SLC11A1: variants seen among roughly 807,000 people sequenced by gnomAD.
SLC11A1 encodes the protein solute carrier family 11 member 1.
A neutral mutation model predicts 63.2 loss-of-function variants in SLC11A1; 59 were observed. That is an observed-to-expected ratio of 0.93 (90% CI 0.76 to 1.16). SLC11A1 has a LOEUF of 1.16. Among genes scored for constraint, SLC11A1 ranks in the 50% most tolerant of loss-of-function variants. SLC11A1 has a pLI of 0.00. For synonymous variants in SLC11A1, 305 were observed against 307.8 expected, an observed-to-expected ratio of 0.99 and a Z score of 0.09; for missense variants, 688 against 730.7, an observed-to-expected ratio of 0.94 and a Z score of 0.67.
chr2:218,384,287 C>A lies in SLC11A1; in HGVS notation c.195C>A (p.Gly65=). The stretch of plus-strand genomic sequence containing the variant: ...AGCTATGGGCCTTCACGGGGCCTGG[C>A]TTCCTCATGAGCATTGCTTTCCTGG... ...LRKLWAFTGP[G]FLMSIAFLDP... is the part of the protein sequence containing the mutation. The change falls in exon 3 of 15, where the codon GGC becomes GGA. Residue 65 remains glycine (G), a synonymous_variant. Transcript: ENST00000233202. The surrounding 1 kb of genome is among the most constrained non-coding windows in gnomAD (Gnocchi z 4.0). The A allele has an allele frequency of 6.2e-7, 1 of 1,608,580 alleles. No homozygotes were observed. The highest frequency in any genetic ancestry group is 8.5e-7 in the Non-Finnish European group (1 of 1,176,154).
In SLC11A1 at chr2:218,391,264, G is replaced by A. The variant is rs769343240; in HGVS notation, c.1021G>A (p.Val341Met). 20 of 1,613,758 alleles carry A rather than the reference G, an allele frequency of 1.2e-5. No homozygotes were observed. Among genetic ancestry groups the A allele is most frequent in the East Asian group, 6.7e-5 (3 of 44,860 alleles). Residue 341 changes from valine to methionine, a missense_variant, in exon 10 of 15, where the codon GTG becomes ATG. Physicochemically the swap from Val to Met is conservative, Grantham distance 21 (BLOSUM62 1). Coordinates refer to ENST00000233202, the MANE Select transcript of SLC11A1 (RefSeq NM_000578.4). Reference protein sequence around the residue: ...AKIFPMNNATVAVDIYQGGVI... With the variant: ...AKIFPMNNATMAVDIYQGGVI... ...GATCTTCCCCATGAACAACGCCACC[G>A]TGGCCGTGGACATTTACCAGGGGGT...
intron 2 of SLC11A1, chr2:218,383,304 C>T (rs1171526512): frequency 5.3e-6 from 3 of 570,804 alleles, no homozygotes; most frequent in Admixed American, 6.2e-5. Flanking sequence ...TGTCTAAAAG[C>T]GATTAAATGA....
Position 218,391,474 on chromosome 2 carries a change from C to T in SLC11A1, c.1143C>T (p.Tyr381=), listed in dbSNP as rs191066713. The T allele has an allele frequency of 2.7e-4, 434 of 1,605,340 alleles. No homozygotes were observed. Among genetic ancestry groups the T allele is most frequent in the Non-Finnish European group, 3.0e-4 (358 of 1,176,164 alleles). The part of the protein sequence containing the change: ...AGQSSTMTGT[Y]AGQFVMEGFL... The stretch of plus-strand genomic sequence containing the variant: ...AGAGCTCCACCATGACGGGCACCTA[C>T]GCGGGACAGTTCGTGATGGAGGTAG... The change falls in exon 11 of 15, where the codon TAC becomes TAT. Residue 381 remains tyrosine (Y), a synonymous_variant. Transcript: ENST00000233202.
intron 5 of SLC11A1, 48 bp from the exon 6 acceptor site, chr2:218,387,112 A>AGAGAC: frequency 6.5e-7 from 1 of 1,543,746 alleles, no homozygotes. Context: ...CGTAGGAGTT[A>AGAGAC]GAGACCCCTG....
At chr2:218,385,300 T>C in intron 4 of SLC11A1, 34 bp downstream of exon 4, 1 of 1,613,414 alleles carries the variant, frequency 6.2e-7, no homozygotes, top group African/African-American at 1.3e-5. Context: ...GGAGAACCAC[T>C]GGCCCCAAAC....
Position 218,384,300 on chromosome 2 carries a change from A to T in SLC11A1, c.208A>T (p.Ile70Phe). The part of the protein sequence containing the change: ...AFTGPGFLMS[I>F]AFLDPGNIES... ...CACGGGGCCTGGCTTCCTCATGAGC[A>T]TTGCTTTCCTGGACCCAGGAAACAT... is the stretch of plus-strand genomic sequence containing the variant. The change falls in exon 3 of 15, where the codon ATT (isoleucine) becomes TTT (phenylalanine). Residue 70 changes from isoleucine (I) to phenylalanine (F), a missense_variant. Transcript: ENST00000233202. The surrounding 1 kb of genome is among the most constrained non-coding windows in gnomAD (Gnocchi z 4.0). The T allele has an allele frequency of 1.2e-6, 2 of 1,609,366 alleles. No individual in the cohort carries two copies. Among genetic ancestry groups the T allele is most frequent in the South Asian group, 2.2e-5 (2 of 90,604 alleles).
intron 8 of SLC11A1, among the ~76,000 whole-genome samples, chr2:218,389,438 A>G (rs1696299849): frequency 6.6e-6 from 1 of 152,120 alleles, no homozygotes; most frequent in Admixed American, 6.6e-5. Flanking sequence ...CTGTGGTCCC[A>G]GCTACTTAGG....
Position 218,385,042 on chromosome 2 carries a change from C to T in SLC11A1, c.274-105C>T. On this transcript the variant is annotated intron_variant, in intron 3 of 14. Coordinates refer to ENST00000233202, the MANE Select transcript of SLC11A1 (RefSeq NM_000578.4). Reference sequence around the variant, plus strand: ...CCAGCCAGGATGGGACTCCATCTCTCCCACCCCCTCCCCGAGGAGTATGCT... The same window carrying T: ...CCAGCCAGGATGGGACTCCATCTCTTCCACCCCCTCCCCGAGGAGTATGCT... 3.3e-6 allele frequency: 5 copies of T among 1,496,636 alleles called. No individual in the cohort carries two copies. The East Asian group carries it at 9.5e-5, about 28-fold the overall frequency. 92.7% of individuals were successfully genotyped at this position (1,496,636 alleles called of 1,614,324 possible). A position where few individuals can be genotyped will look rare whatever the true frequency, so the allele number is the denominator to read the frequency against.
Position 218,384,231 on chromosome 2 carries a change from AC to A in SLC11A1, c.151-6del. ...AGGACCCCCTCACTCTACTCCTCCCACCCCCCAACAGGGCACCTTCAGCCTG... is the reference window on the plus strand; with the variant it reads ...AGGACCCCCTCACTCTACTCCTCCCACCCCCAACAGGGCACCTTCAGCCTG... On this transcript the variant is annotated splice_polypyrimidine_tract_variant and intron_variant, in intron 2 of 14. Transcript: ENST00000233202. This position sits in a 1 kb window ranked among gnomAD's most constrained non-coding sequence, Gnocchi z 4.0. 8.2e-6 allele frequency: 13 copies of A among 1,577,162 alleles called. No individual in the cohort carries two copies. Among genetic ancestry groups the A allele is most frequent in the African/African-American group, 1.4e-5 (1 of 73,530 alleles).
chr2:218,385,221 G>C lies in SLC11A1; in HGVS notation c.348G>C (p.Val116=). The change falls in exon 4 of 15, where the codon GTG becomes GTC. Residue 116 remains valine, a synonymous_variant. Transcript: ENST00000233202. ...GACTGGCTGCACGTCTGGGCGTGGT[G>C]ACAGGCAAGGACTTGGGCGAGGTCT... ...CQRLAARLGV[V]TGKDLGEVCH... 6 of 1,614,080 alleles carry C rather than the reference G, an allele frequency of 3.7e-6. No homozygotes were observed. Among genetic ancestry groups the C allele is most frequent in the Non-Finnish European group, 5.1e-6 (6 of 1,179,934 alleles).
chr2:218,387,626 CT>C lies in SLC11A1; in HGVS notation c.634del (p.Tyr212MetfsTer58), dbSNP rs1158324373. The C allele has an allele frequency of 6.2e-7, 1 of 1,614,006 alleles. No homozygotes were observed. The highest frequency in any genetic ancestry group is 1.3e-5 in the African/African-American group (1 of 74,924). Reference sequence around the variant, plus strand: ...TAACCATTATGGCCTTGACCTTTGGCTATGAGGTAGGAAGCCAGTGCTGCAA... The same window carrying C: ...TAACCATTATGGCCTTGACCTTTGGCATGAGGTAGGAAGCCAGTGCTGCAA... ...LITIMALTFG[Y>X]EYVVARPEQG... On this transcript the variant is annotated frameshift_variant, in exon 7 of 15. Transcript: ENST00000233202. LOFTEE classifies it high-confidence loss of function.
At chr2:218,391,933 T>G (rs1323071436) in intron 11 of SLC11A1, among the ~76,000 whole-genome samples, 2 of 152,096 alleles carry the variant, frequency 1.3e-5, no homozygotes, top group African/African-American at 2.4e-5. Flanking sequence ...AATTTTTGTA[T>G]TTTTAGTAGA....
At chr2:218,394,465 A>G (rs1426056980) in intron 13 of SLC11A1, 167 bp from the exon 14 acceptor site, 4 of 790,146 alleles carry the variant, frequency 5.1e-6, no homozygotes, top group Non-Finnish European at 8.0e-6. Context: ...TGGAGGGCCC[A>G]GGAGGCAGGA....
chr2:218,387,045 G>T (rs1696142954), intron 5 of SLC11A1, 115 bp from the exon 6 acceptor site: 2 of 941,284 alleles, frequency 2.1e-6, no homozygotes, highest in Non-Finnish European at 3.5e-6. Context: ...AGCTGTCTGG[G>T]GGCGCTTAGG....
In SLC11A1 at chr2:218,386,718, A is replaced by G. The variant is rs1177852594; in HGVS notation, c.477A>G (p.Ala159=). 2.5e-6 allele frequency: 4 copies of G among 1,613,854 alleles called. No homozygotes were observed. Among genetic ancestry groups the G allele is most frequent in the African/African-American group, 1.3e-5 (1 of 74,890 alleles). ...DMQEVIGTAI[A]FNLLSAGRIP... ...AGGAAGTCATCGGCACGGCCATTGC[A>G]TTCAATCTGCTCTCAGCTGGACGGT... is the stretch of plus-strand genomic sequence containing the variant. Residue 159 remains alanine, a synonymous_variant, in exon 5 of 15, where the codon GCA becomes GCG. Coordinates refer to ENST00000233202, the MANE Select transcript of SLC11A1 (RefSeq NM_000578.4).
intron 12 of SLC11A1, among the ~76,000 whole-genome samples, 157 bp from the exon 13 acceptor site, chr2:218,393,963 A>G (rs1009265954): frequency 1.3e-5 from 2 of 152,108 alleles, no homozygotes; most frequent in Admixed American, 6.6e-5. Flanking sequence ...GGAGCCCACA[A>G]CCTGATAAGG....
rs562681370 is a variant in SLC11A1 at position 218,383,047 on chromosome 2, C to T, written c.95C>T (p.Ala32Val). 8 of 1,614,088 alleles carry T rather than the reference C, an allele frequency of 5.0e-6. 1 individual carries two copies. The South Asian group carries it at 8.8e-5, about 18-fold the overall frequency. Residue 32 changes from alanine to valine, a missense_variant, in exon 2 of 15, where the codon GCA becomes GTA. Coordinates refer to ENST00000233202, the MANE Select transcript of SLC11A1 (RefSeq NM_000578.4). ...TSPTSPGPQQ[A>V]PPRETYLSEK... ...CCGACCAGCCCAGGGCCACAGCAAG[C>T]ACCTCCCAGAGAGACCTACCTGAGT... is the stretch of plus-strand genomic sequence containing the variant.
chr2:218,382,872 G>A (rs764916855), intron 1 of SLC11A1, 88 bp from the exon 2 acceptor site: 248 of 1,553,484 alleles, frequency 1.6e-4, no homozygotes, highest in Middle Eastern at 4.3e-4. Flanking sequence ...CCACTTTTCC[G>A]GGAGGAGGAG....
At position 218,394,719 on chromosome 2, in the gene SLC11A1, C is replaced by T; in HGVS notation, c.1476C>T (p.Pro492=). Residue 492 remains proline, a synonymous_variant, in exon 14 of 15, where the codon CCC becomes CCT. Transcript: ENST00000233202. ...TGGTCAGCTATCTGCCCAGCCTGCCCCACCCTGCCTACTTCGGCCTTGCAG... is the reference window on the plus strand; with the variant it reads ...TGGTCAGCTATCTGCCCAGCCTGCCTCACCCTGCCTACTTCGGCCTTGCAG... ...YFVVSYLPSL[P]HPAYFGLAAL... The T allele has an allele frequency of 1.2e-6, 2 of 1,614,048 alleles. No individual in the cohort carries two copies. The highest frequency in any genetic ancestry group is 1.7e-6 in the Non-Finnish European group (2 of 1,180,040).
Sources: gnomAD v4.1 joint callset for allele counts (sites outside exome capture counted in the v4.1 genomes callset) on GRCh38, gnomAD v4.1.1 for gene constraint, Gnocchi (gnomAD v3.1) non-coding constraint, MANE v1.5 for transcripts, NCBI Gene and HGNC (gene_info 2026-07-23, HGNC 2026-07-21) for gene names.